NELL1: variants seen among roughly 807,000 people sequenced by gnomAD.
The protein encoded by NELL1 is protein kinase C-binding protein NELL1.
NELL1 carries 76 observed loss-of-function variants against 107.4 expected under a neutral mutation model. That is an observed-to-expected ratio of 0.71 (90% CI 0.59 to 0.86). NELL1 has a LOEUF of 0.86. Ranked by LOEUF, NELL1 falls within the 40% of genes least tolerant of loss-of-function variation. The pLI, the probability that NELL1 is intolerant of heterozygous loss-of-function variation, is 0.00. For missense variants in NELL1, 1,024 were observed against 1,005.5 expected, an observed-to-expected ratio of 1.02 and a Z score of -0.25; for synonymous variants, 353 against 341.2, an observed-to-expected ratio of 1.03 and a Z score of -0.38.
In NELL1 at chr11:21,520,542, T is replaced by C. The variant is rs973196159; in HGVS notation, c.1646-13832T>C. On this transcript the variant is annotated intron_variant, in intron 15 of 19. Transcript: ENST00000357134. Reference sequence around the variant, plus strand: ...AATATGATGATGATAAGAGTGGAGATACAGAGGGAGCCTAAATCCTGATAA... The same window carrying C: ...AATATGATGATGATAAGAGTGGAGACACAGAGGGAGCCTAAATCCTGATAA... Among the ~76,000 whole-genome samples, 3 of 152,168 alleles carry C rather than the reference T, an allele frequency of 2.0e-5. No individual in the cohort carries two copies. The South Asian group carries it at 6.2e-4, about 32-fold the overall frequency.
At chr11:20,676,631 C>A (rs994741113) in intron 1 of NELL1, among the ~76,000 whole-genome samples, 22 of 152,128 alleles carry the variant, frequency 1.4e-4, no homozygotes, top group African/African-American at 5.1e-4. Flanking sequence ...TTGACAGAAG[C>A]CTAGCAGGTC....
chr11:21,133,829 G>A (rs1181321252), intron 13 of NELL1, among the ~76,000 whole-genome samples: 1 of 152,162 alleles, frequency 6.6e-6, no homozygotes, highest in Non-Finnish European at 1.5e-5. Context: ...ACGGAGGCCC[G>A]GGTTCACAAC....
At chr11:21,483,123 G>C (rs1434473335) in intron 15 of NELL1, among the ~76,000 whole-genome samples, 1 of 152,024 alleles carries the variant, frequency 6.6e-6, no homozygotes. Flanking sequence ...AAGTATGTTA[G>C]GCAATTCCAA....
chr11:20,892,726 C>A (rs1849642040), intron 5 of NELL1, among the ~76,000 whole-genome samples: 1 of 152,154 alleles, frequency 6.6e-6, no homozygotes, highest in Non-Finnish European at 1.5e-5. Flanking sequence ...GTCAGGAGTT[C>A]AAGACCAGCC....
intron 13 of NELL1, among the ~76,000 whole-genome samples, chr11:21,177,575 A>G (rs762553272): frequency 7.9e-5 from 12 of 151,856 alleles, no homozygotes; most frequent in Non-Finnish European, 1.6e-4. Context: ...ACTGAAATGC[A>G]CATGCAAGTG....
chr11:20,720,735 C>T (rs1855361243), intron 2 of NELL1, among the ~76,000 whole-genome samples: 1 of 152,080 alleles, frequency 6.6e-6, no homozygotes, highest in African/African-American at 2.4e-5. Context: ...CTCTTCAAAT[C>T]ATTTTCCCTC....
intron 2 of NELL1, among the ~76,000 whole-genome samples, chr11:20,783,004 T>C (rs2133981696): frequency 6.6e-6 from 1 of 152,316 alleles, no homozygotes; most frequent in East Asian, 1.9e-4. Context: ...AATAAATATT[T>C]CATGAGGAAA....
chr11:20,930,804 G>GT (rs35261027), intron 9 of NELL1, among the ~76,000 whole-genome samples: 4,498 of 131,006 alleles, frequency 0.034, 135 homozygotes, highest in African/African-American at 0.088. Flanking sequence ...TAAAACATCA[G>GT]TTTTTTTTTT....
At chr11:21,208,014 C>T (rs906738953) in intron 13 of NELL1, among the ~76,000 whole-genome samples, 29 of 152,044 alleles carry the variant, frequency 1.9e-4, no homozygotes, top group African/African-American at 6.5e-4. Context: ...ATATACTTAC[C>T]CATTCTTTTT....
intron 13 of NELL1, among the ~76,000 whole-genome samples, chr11:21,171,599 T>C (rs1192614596): frequency 6.6e-6 from 1 of 151,896 alleles, no homozygotes; most frequent in Non-Finnish European, 1.5e-5. Flanking sequence ...GTTTTCTTAT[T>C]CTAACTTTTG....
At chr11:20,953,075 C>G (rs952653488) in intron 11 of NELL1, among the ~76,000 whole-genome samples, 1 of 152,194 alleles carries the variant, frequency 6.6e-6, no homozygotes, top group Non-Finnish European at 1.5e-5. Context: ...TGGCCATATC[C>G]TTCTTAACCA....
Position 21,342,831 on chromosome 11 carries a change from A to T in NELL1, c.1550-28022A>T, listed in dbSNP as rs376000349. Among the ~76,000 whole-genome samples, 274 of 152,178 alleles carry T rather than the reference A, an allele frequency of 1.8e-3. 10 individuals are homozygous for T. The South Asian group carries it at 0.054, about 30-fold the overall frequency. ...ACCTTTCTCTTCTTTTTCTTATTAC[A>T]TTCAGTATCCACTGAACATTCCTTA... is the stretch of plus-strand genomic sequence containing the variant. On this transcript the variant is annotated intron_variant, in intron 14 of 19. Coordinates refer to ENST00000357134, the MANE Select transcript of NELL1 (RefSeq NM_006157.5).
chr11:21,345,819 C>G (rs1019170758), intron 14 of NELL1, among the ~76,000 whole-genome samples: 2 of 152,142 alleles, frequency 1.3e-5, no homozygotes, highest in Non-Finnish European at 2.9e-5. Flanking sequence ...ACAGAACTTA[C>G]AGCCTTATGT....
chr11:21,071,066 CA>C (rs1208668779), intron 12 of NELL1, among the ~76,000 whole-genome samples: 17 of 152,122 alleles, frequency 1.1e-4, no homozygotes, highest in Admixed American at 9.2e-4. Context: ...AGAACATCAC[CA>C]TAGCTATGAG....
intron 14 of NELL1, among the ~76,000 whole-genome samples, chr11:21,267,979 A>G (rs369130726): frequency 3.3e-5 from 5 of 151,960 alleles, no homozygotes; most frequent in Admixed American, 6.6e-5. Flanking sequence ...CATAGACAGC[A>G]TATAGTTAGG....
At chr11:20,696,795 C>G (rs543097137) in intron 2 of NELL1, among the ~76,000 whole-genome samples, 1 of 152,220 alleles carries the variant, frequency 6.6e-6, no homozygotes, top group South Asian at 2.1e-4. Context: ...AACAGCCACC[C>G]TCCTCAACTC....
intron 14 of NELL1, among the ~76,000 whole-genome samples, chr11:21,331,927 T>C (rs546246882): frequency 1.3e-5 from 2 of 152,064 alleles, no homozygotes; most frequent in South Asian, 2.1e-4. Flanking sequence ...AAATCAGTGA[T>C]TTTGAGGAGC....
chr11:20,956,472 C>T (rs962312264), intron 11 of NELL1, among the ~76,000 whole-genome samples: 7 of 151,848 alleles, frequency 4.6e-5, no homozygotes, highest in African/African-American at 1.7e-4. Flanking sequence ...CGGTGAAACC[C>T]CGTCTCTACT....
chr11:20,937,740 T>G (rs1237482626), intron 9 of NELL1, 46 bp from the exon 10 acceptor site: 8 of 1,439,342 alleles, frequency 5.6e-6, no homozygotes, highest in Admixed American at 3.3e-5. Context: ...GAGGTCATTT[T>G]GTGGCACAGC....
Sources: gnomAD v4.1 joint callset for allele counts (sites outside exome capture counted in the v4.1 genomes callset) on GRCh38, gnomAD v4.1.1 for gene constraint, MANE v1.5 for transcripts, NCBI Gene and HGNC (gene_info 2026-07-23, HGNC 2026-07-21) for gene names.